SDK1: variants seen among roughly 807,000 people sequenced by gnomAD.
SDK1 encodes sidekick cell adhesion molecule 1.
Under a neutral mutation model 245.5 loss-of-function variants are expected in SDK1, and 157 were observed. That is an observed-to-expected ratio of 0.64 (90% CI 0.56 to 0.73). SDK1 has a LOEUF of 0.73. Among genes scored for constraint, SDK1 ranks in the 30% least tolerant of loss-of-function variants. The pLI is 0.00. For synonymous variants in SDK1, 1,647 were observed against 1,278.5 expected (o/e 1.29, Z -6.15); for missense variants, 3,583 against 3,002.3 (o/e 1.19, Z -4.52).
At chr7:3,820,724 C>G (rs1779623937) in intron 4 of SDK1, among the ~76,000 whole-genome samples, 1 of 152,210 alleles carries the variant, frequency 6.6e-6, no homozygotes, top group African/African-American at 2.4e-5. Context: ...AGACAAGCAA[C>G]TTAACTTCTG....
chr7:3,992,000 C>T lies in SDK1; in HGVS notation c.2131+4678C>T, dbSNP rs557976458. On this transcript the variant is annotated intron_variant, in intron 14 of 44. Transcript: ENST00000404826. ...GAAATTGCACTTGGCCTCCACTCAGCGTGTGCAAGTGGTCAGCACTAAATA... is the reference window on the plus strand; with the variant it reads ...GAAATTGCACTTGGCCTCCACTCAGTGTGTGCAAGTGGTCAGCACTAAATA... Among the ~76,000 whole-genome samples, 107 of 152,352 alleles carry T rather than the reference C, an allele frequency of 7.0e-4. 1 individual carries two copies. The highest frequency in any genetic ancestry group is 2.5e-3 in the African/African-American group (104 of 41,586).
At chr7:3,306,007 C>T (rs1396176873) in intron 1 of SDK1, among the ~76,000 whole-genome samples, 1 of 152,138 alleles carries the variant, frequency 6.6e-6, no homozygotes, top group East Asian at 1.9e-4. Flanking sequence ...AAGTCTGATC[C>T]AGAGTCTGAA....
chr7:4,262,018 C>CTTTTTTTTTTTTTT lies in SDK1; in HGVS notation c.6382-3090_6382-3077dup, dbSNP rs34610558. 6.8e-5 allele frequency among the ~76,000 whole-genome samples: 4 copies of CTTTTTTTTTTTTTT among 59,254 alleles called. 1 individual carries two copies. The highest frequency in any genetic ancestry group is 1.2e-4 in the Non-Finnish European group (4 of 34,114). 38.9% of individuals were successfully genotyped at this position (59,254 alleles called of 152,430 possible). ...AATCAATTTCACCCTCTGCTTTCTC[C>CTTTTTTTTTTTTTT]TTTTTTTTTTTTTTTTTTTTTTTTT... is the stretch of plus-strand genomic sequence containing the variant. On this transcript the variant is annotated intron_variant, in intron 44 of 44. Transcript: ENST00000404826.
chr7:3,898,893 G>A (rs1781690828), intron 5 of SDK1, among the ~76,000 whole-genome samples: 1 of 152,050 alleles, frequency 6.6e-6, no homozygotes, highest in African/African-American at 2.4e-5. Context: ...ATCAGTTTAA[G>A]GAAATATTTT....
chr7:3,706,567 A>G (rs1784895795), intron 4 of SDK1, among the ~76,000 whole-genome samples: 1 of 152,040 alleles, frequency 6.6e-6, no homozygotes, highest in Non-Finnish European at 1.5e-5. Flanking sequence ...ACACCCGGCT[A>G]ATTTTTTTGT....
At chr7:3,491,801 C>T (rs1339910220) in intron 1 of SDK1, among the ~76,000 whole-genome samples, 1 of 152,178 alleles carries the variant, frequency 6.6e-6, no homozygotes, top group Non-Finnish European at 1.5e-5. Flanking sequence ...TACTTTTTCT[C>T]ATATGCCAAC....
chr7:3,325,187 C>T (rs958679375), intron 1 of SDK1, among the ~76,000 whole-genome samples: 1 of 151,934 alleles, frequency 6.6e-6, no homozygotes, highest in African/African-American at 2.4e-5. Flanking sequence ...GATTTGAGAT[C>T]TTACAACCAT....
intron 1 of SDK1, among the ~76,000 whole-genome samples, chr7:3,472,098 T>C (rs1781202754): frequency 6.6e-6 from 1 of 152,224 alleles, no homozygotes; most frequent in Non-Finnish European, 1.5e-5. Context: ...TCTTATCCTT[T>C]ATCTGTGTCT....
chr7:4,074,884 C>CTCTCTCTCTCTGTGTG (rs1377225405), intron 20 of SDK1, among the ~76,000 whole-genome samples: 1 of 62,488 alleles, frequency 1.6e-5, no homozygotes, highest in African/African-American at 1.2e-4. Context: ...CTCTCTCTCT[C>CTCTCTCTCTCTGTGTG]TGTATATATA....
intron 22 of SDK1, among the ~76,000 whole-genome samples, chr7:4,102,653 C>T (rs1021204488): frequency 2.0e-5 from 3 of 152,178 alleles, no homozygotes; most frequent in Admixed American, 6.5e-5. Context: ...CAGAGCCTCC[C>T]AGCAGGGGTG....
chr7:3,747,895 AT>A (rs1344575342), intron 4 of SDK1, among the ~76,000 whole-genome samples: 1 of 152,064 alleles, frequency 6.6e-6, no homozygotes, highest in Non-Finnish European at 1.5e-5. Flanking sequence ...AACTCTGGAG[AT>A]ATAGGAAGGG....
intron 40 of SDK1, among the ~76,000 whole-genome samples, chr7:4,223,305 A>G (rs1785244301): frequency 1.3e-5 from 2 of 152,236 alleles, no homozygotes; most frequent in South Asian, 4.1e-4. Flanking sequence ...TCCTGTAATT[A>G]TGGATGCAGG....
intron 1 of SDK1, among the ~76,000 whole-genome samples, chr7:3,466,538 T>C (rs1373085884): frequency 6.7e-6 from 1 of 150,016 alleles, no homozygotes; most frequent in East Asian, 2.0e-4. Context: ...AGCTCAGCCT[T>C]GCACTGCTTC....
At chr7:3,468,493 C>G (rs758955667) in intron 1 of SDK1, among the ~76,000 whole-genome samples, 6 of 152,146 alleles carry the variant, frequency 3.9e-5, no homozygotes, top group Non-Finnish European at 7.4e-5. Flanking sequence ...CCATAGCCAG[C>G]CATAAAACCT....
intron 5 of SDK1, among the ~76,000 whole-genome samples, chr7:3,851,213 A>C (rs1181256328): frequency 6.6e-6 from 1 of 152,182 alleles, no homozygotes; most frequent in Non-Finnish European, 1.5e-5. Context: ...CAGAGATGCT[A>C]TCTGCCCCAA....
chr7:3,859,461 A>T (rs1034649977), intron 5 of SDK1, among the ~76,000 whole-genome samples: 1 of 152,102 alleles, frequency 6.6e-6, no homozygotes, highest in Non-Finnish European at 1.5e-5. Context: ...AGGTAATTAA[A>T]AGCAGGCTGT....
intron 35 of SDK1, among the ~76,000 whole-genome samples, chr7:4,190,342 CTGGATGA>C (rs752780683): frequency 6.6e-6 from 1 of 152,062 alleles, no homozygotes; most frequent in Admixed American, 6.5e-5. Context: ...CTACACGGTC[CTGGATGA>C]TGGATAAACA....
intron 5 of SDK1, among the ~76,000 whole-genome samples, chr7:3,829,557 A>G (rs1285197198): frequency 6.6e-6 from 1 of 152,168 alleles, no homozygotes; most frequent in African/African-American, 2.4e-5. Flanking sequence ...GCCAAAGTTT[A>G]TTTGTCCCCC....
intron 5 of SDK1, among the ~76,000 whole-genome samples, chr7:3,827,089 T>C (rs1170771671): frequency 3.9e-5 from 6 of 152,202 alleles, no homozygotes. Flanking sequence ...CTGATTTCAC[T>C]GTTGTTAAAT....
Sources: gnomAD v4.1 joint callset for allele counts (sites outside exome capture counted in the v4.1 genomes callset) on GRCh38, gnomAD v4.1.1 for gene constraint, MANE v1.5 for transcripts, NCBI Gene and HGNC (gene_info 2026-07-23, HGNC 2026-07-21) for gene names.